The following AFF2 variants were observed in gnomAD, a reference collection of about 807,000 sequenced individuals.
The protein encoded by AFF2 is ALF transcription elongation factor 2.
A neutral mutation model predicts 76.9 loss-of-function variants in AFF2; 14 were observed. The ratio of observed to expected loss-of-function variants is 0.18; its 90% CI spans 0.12 to 0.28. The LOEUF is 0.28. Ranked by LOEUF, AFF2 falls within the 10% of genes least tolerant of loss-of-function variation. The pLI, the probability that AFF2 is intolerant of heterozygous loss-of-function variation, is 1.00. For synonymous variants in AFF2, 398 were observed against 366.7 expected (o/e 1.09, Z -0.98); for missense variants, 868 against 1,001.1 (o/e 0.87, Z 1.79).
At chrX:148,868,636 T>C (rs2070935998) in intron 7 of AFF2, among the ~76,000 whole-genome samples, 1 of 112,441 alleles carries the variant, frequency 8.9e-6, no homozygotes, top group African/African-American at 3.2e-5. Context: ...CAATTTGTAC[T>C]GCTATAACAA....
intron 1 of AFF2, among the ~76,000 whole-genome samples, chrX:148,603,222 GA>G (rs199616052): frequency 3.9e-4 from 43 of 109,190 alleles, no homozygotes; most frequent in African/African-American, 1.3e-3. Context: ...GTGTAAAGAG[GA>G]AAAAAAAATG....
chrX:148,679,019 A>G (rs1472670535), intron 3 of AFF2, among the ~76,000 whole-genome samples: 4 of 110,462 alleles, frequency 3.6e-5, no homozygotes, highest in African/African-American at 1.3e-4. Context: ...AGTTTTTCAT[A>G]TATTACATAA....
At chrX:148,614,527 C>T (rs1010242276) in intron 1 of AFF2, among the ~76,000 whole-genome samples, 1 of 110,730 alleles carries the variant, frequency 9.0e-6, no homozygotes, top group Admixed American at 9.5e-5. Context: ...TCAGCAGATT[C>T]AAAACTACTA....
chrX:148,941,272 A>G (rs1557285547), intron 9 of AFF2, among the ~76,000 whole-genome samples: 1 of 111,565 alleles, frequency 9.0e-6, no homozygotes, highest in African/African-American at 3.3e-5. Flanking sequence ...GGGCCAGGAG[A>G]TTTAACTCTG....
chrX:148,711,926 G>T (rs1047580554), intron 3 of AFF2, among the ~76,000 whole-genome samples: 1 of 111,650 alleles, frequency 9.0e-6, no homozygotes, highest in African/African-American at 3.3e-5. Context: ...ATATGATCTT[G>T]TATCTGCCTT....
intron 1 of AFF2, among the ~76,000 whole-genome samples, chrX:148,623,126 T>TA (rs2053886330): frequency 9.0e-6 from 1 of 111,566 alleles, no homozygotes; most frequent in Admixed American, 9.6e-5. Context: ...TGGTATCATA[T>TA]AATATAAAGA....
intron 16 of AFF2, 95 bp from the exon 17 acceptor site, chrX:148,977,838 G>A (rs1462847912): frequency 1.6e-6 from 1 of 634,690 alleles, no homozygotes; most frequent in African/African-American, 2.2e-5. Flanking sequence ...AACAAATGTG[G>A]GAATAACTCA....
intron 9 of AFF2, among the ~76,000 whole-genome samples, chrX:148,906,099 A>G (rs782423100): frequency 1.8e-5 from 2 of 112,477 alleles, no homozygotes; most frequent in African/African-American, 3.2e-5. Context: ...GTTTGGGTTC[A>G]TGATACCAAA....
intron 3 of AFF2, among the ~76,000 whole-genome samples, chrX:148,771,101 C>A (rs1488512920): frequency 8.9e-6 from 1 of 112,044 alleles, no homozygotes; most frequent in Non-Finnish European, 1.9e-5. Flanking sequence ...TTCTATAATG[C>A]GCTTCCATGA....
At chrX:148,906,709 C>A (rs1225970330) in intron 9 of AFF2, among the ~76,000 whole-genome samples, 1 of 111,652 alleles carries the variant, frequency 9.0e-6, no homozygotes, top group Non-Finnish European at 1.9e-5. Context: ...TCTATTAAAT[C>A]TTGCAACTGC....
In AFF2 at chrX:148,885,961, G is replaced by A. The variant is rs782368372; in HGVS notation, c.1335G>A (p.Gln445=). The change falls in exon 8 of 21, where the codon CAG becomes CAA. Residue 445 remains glutamine, a synonymous_variant. Coordinates refer to ENST00000370460, the MANE Select transcript of AFF2 (RefSeq NM_002025.4). ...AGCCTGTGAAGACCTTGACCACTCA[G>A]TGCACTGCCACTGAGCTCTACCAGG... ...DLEPVKTLTT[Q]CTATELYQAV... 3.3e-6 allele frequency: 4 copies of A among 1,208,561 alleles called. No homozygotes were observed. The highest frequency in any genetic ancestry group is 2.2e-5 in the Admixed American group (1 of 45,994).
At chrX:148,677,102 T>C (rs2054494595) in intron 3 of AFF2, among the ~76,000 whole-genome samples, 1 of 110,499 alleles carries the variant, frequency 9.0e-6, no homozygotes, top group Non-Finnish European at 1.9e-5. Flanking sequence ...GACAGATTTT[T>C]AAGTCTGATT....
intron 16 of AFF2, 76 bp downstream of exon 16, chrX:148,973,683 C>G: frequency 9.8e-7 from 1 of 1,021,701 alleles, no homozygotes; most frequent in Non-Finnish European, 1.3e-6. Flanking sequence ...AAAAATGTAT[C>G]ATTTCCACTT....
chrX:148,517,522 AT>A (rs2052548875), intron 1 of AFF2, among the ~76,000 whole-genome samples: 1 of 111,537 alleles, frequency 9.0e-6, no homozygotes, highest in Middle Eastern at 4.6e-3. Context: ...TCTAGTACTC[AT>A]TTTTTTCACT....
chrX:148,931,764 T>C (rs895821115), intron 9 of AFF2, among the ~76,000 whole-genome samples: 1 of 111,984 alleles, frequency 8.9e-6, no homozygotes, highest in African/African-American at 3.3e-5. Flanking sequence ...GGGTGAGTGC[T>C]GGAGAACTAG....
chrX:148,581,082 T>TACACATATGTGTATATGTATATATAC (rs1268133351), intron 1 of AFF2, among the ~76,000 whole-genome samples: 1 of 33,459 alleles, frequency 3.0e-5, no homozygotes, highest in Non-Finnish European at 6.2e-5. Flanking sequence ...CACACATATA[T>TACACATATGTGTATATGTATATATAC]ACATATGTGT....
chrX:148,666,651 G>C (rs1320662339), intron 3 of AFF2, among the ~76,000 whole-genome samples: 3 of 110,697 alleles, frequency 2.7e-5, no homozygotes, highest in Non-Finnish European at 5.7e-5. Context: ...ATGTCATAGA[G>C]TTTATTAACA....
chrX:148,973,684 A>T (rs2072287510), intron 16 of AFF2, 77 bp downstream of exon 16: 3 of 1,005,019 alleles, frequency 3.0e-6, no homozygotes, highest in African/African-American at 3.8e-5. Context: ...AAAATGTATC[A>T]TTTCCACTTA....
chrX:148,614,240 A>G (rs782473673), intron 1 of AFF2, among the ~76,000 whole-genome samples: 38 of 112,201 alleles, frequency 3.4e-4, no homozygotes, highest in Non-Finnish European at 5.8e-4. Context: ...AATTTTGTGT[A>G]TCTACAAGCT....
Sources: gnomAD v4.1 joint callset for allele counts (sites outside exome capture counted in the v4.1 genomes callset) on GRCh38, gnomAD v4.1.1 for gene constraint, MANE v1.5 for transcripts, NCBI Gene and HGNC (gene_info 2026-07-23, HGNC 2026-07-21) for gene names.